Variants in SLC6A11 observed in about 807,000 individuals in gnomAD.
SLC6A11 encodes sodium- and chloride-dependent GABA transporter 3.
In SLC6A11, 25 loss-of-function variants were observed where a neutral mutation model predicts 74.8. The ratio of observed to expected loss-of-function variants is 0.33; its 90% CI spans 0.24 to 0.47. The LOEUF (loss-of-function observed/expected upper bound fraction) is 0.47. SLC6A11 is among the 20% of genes least tolerant of loss of function. SLC6A11 has a pLI of 1.00. For synonymous variants in SLC6A11, 330 were observed against 330.2 expected, an observed-to-expected ratio of 1.00 and a Z score of 0.01; for missense variants, 574 against 837.0, an observed-to-expected ratio of 0.69 and a Z score of 3.88.
chr3:10,873,423 T>TGGCATGCCATCCTAC (rs1694855041), intron 5 of SLC6A11, among the ~76,000 whole-genome samples: 1 of 150,788 alleles, frequency 6.6e-6, no homozygotes, highest in African/African-American at 2.5e-5. Flanking sequence ...TCCTATCCTA[T>TGGCATGCCATCCTAC]CCTATCCTAT....
At chr3:10,900,687 A>C (rs557006428) in intron 6 of SLC6A11, among the ~76,000 whole-genome samples, 81 of 152,268 alleles carry the variant, frequency 5.3e-4, no homozygotes, top group Non-Finnish European at 8.5e-4. Flanking sequence ...TTAGCAAAGA[A>C]ATGTGGTTCT....
chr3:10,938,592 T>C lies in SLC6A11; in HGVS notation c.*190T>C, dbSNP rs1448206984. On this transcript the variant is annotated 3_prime_UTR_variant, in exon 14 of 14. Transcript: ENST00000254488. ...ATCCCCTCCCCGCCCCCAGTCATCATGGAAGTAACCACTACAAAGAGATAA... is the reference window on the plus strand; with the variant it reads ...ATCCCCTCCCCGCCCCCAGTCATCACGGAAGTAACCACTACAAAGAGATAA... 5.9e-6 allele frequency: 3 copies of C among 505,738 alleles called. No homozygotes were observed. The highest frequency in any genetic ancestry group is 1.0e-5 in the Non-Finnish European group (3 of 288,148). The allele number at this position is 505,738 out of a possible 1,614,324, so 31.3% of individuals were successfully genotyped here.
chr3:10,835,599 C>T (rs1012037560), intron 4 of SLC6A11, among the ~76,000 whole-genome samples: 2 of 152,214 alleles, frequency 1.3e-5, no homozygotes, highest in Non-Finnish European at 2.9e-5. Context: ...CTCAGTCTCA[C>T]CCTCCAGCCA....
At chr3:10,878,667 C>G (rs968953563) in intron 6 of SLC6A11, among the ~76,000 whole-genome samples, 1 of 151,874 alleles carries the variant, frequency 6.6e-6, no homozygotes, top group African/African-American at 2.4e-5. Context: ...CCCACCTTGG[C>G]CTCCCAAAGT....
intron 6 of SLC6A11, among the ~76,000 whole-genome samples, chr3:10,878,289 G>C (rs1396318483): frequency 1.3e-5 from 2 of 151,178 alleles, no homozygotes; most frequent in Admixed American, 6.6e-5. Context: ...GCATCCAGTA[G>C]ACATGGCCTT....
At chr3:10,848,174 C>T (rs891786166) in intron 5 of SLC6A11, among the ~76,000 whole-genome samples, 2 of 152,234 alleles carry the variant, frequency 1.3e-5, no homozygotes, top group Non-Finnish European at 2.9e-5. Flanking sequence ...GTGAGCATTT[C>T]ACCTGTTCAG....
At chr3:10,913,673 A>T (rs892966671) in intron 7 of SLC6A11, among the ~76,000 whole-genome samples, 1 of 152,182 alleles carries the variant, frequency 6.6e-6, no homozygotes, top group Non-Finnish European at 1.5e-5. Flanking sequence ...AAACACCAGT[A>T]AAAAAACAAG....
intron 6 of SLC6A11, among the ~76,000 whole-genome samples, chr3:10,892,062 G>A (rs1256563251): frequency 6.6e-6 from 1 of 152,224 alleles, no homozygotes; most frequent in African/African-American, 2.4e-5. Flanking sequence ...AGTGTGTTCT[G>A]ATGATTTCTG....
intron 7 of SLC6A11, among the ~76,000 whole-genome samples, chr3:10,917,250 C>A (rs912097194): frequency 6.6e-6 from 1 of 152,136 alleles, no homozygotes; most frequent in Non-Finnish European, 1.5e-5. Context: ...AGAGAACAAG[C>A]ATGGGTGAAT....
rs1282996969 is a variant in SLC6A11, at chr3:10,935,240, T to C, written c.1746+41T>C. On this transcript the variant is annotated intron_variant, in intron 13 of 13. Coordinates refer to ENST00000254488, the MANE Select transcript of SLC6A11 (RefSeq NM_014229.3). ...GAGGGCTGGTGCGTTTGGGCAGGGT[T>C]CGCGCCTTGGGTCCCAGTTTCCTCA... The C allele has an allele frequency of 3.1e-6, 5 of 1,594,040 alleles. No homozygotes were observed. In the African/African-American group the frequency reaches 6.7e-5, roughly 21 times the overall value.
chr3:10,821,528 C>G (rs1456475623), intron 3 of SLC6A11, among the ~76,000 whole-genome samples: 1 of 152,186 alleles, frequency 6.6e-6, no homozygotes, highest in Non-Finnish European at 1.5e-5. Flanking sequence ...AATAAACCAC[C>G]TGAACTCAAC....
rs1210656360 is a variant in SLC6A11, at chr3:10,938,135, G to T, written c.1747-115G>T. 2.2e-5 allele frequency: 22 copies of T among 1,017,586 alleles called. No individual in the cohort carries two copies. In the East Asian group the frequency reaches 5.2e-4, roughly 24 times the overall value. The allele number at this position is 1,017,586 out of a possible 1,614,324, so 63.0% of individuals were successfully genotyped here. On this transcript the variant is annotated intron_variant, in intron 13 of 13. Coordinates refer to ENST00000254488, the MANE Select transcript of SLC6A11 (RefSeq NM_014229.3). Reference sequence around the variant, plus strand: ...GGGGCCAAGCTGGGGCCCGGACCTTGGTCTGAGAATTCTCCAGCACCCAGA... The same window carrying T: ...GGGGCCAAGCTGGGGCCCGGACCTTTGTCTGAGAATTCTCCAGCACCCAGA...
In SLC6A11 at chr3:10,844,476, A is replaced by G. The variant is rs1450818059; in HGVS notation, c.756+130A>G. On this transcript the variant is annotated intron_variant, in intron 5 of 13. Coordinates refer to ENST00000254488, the MANE Select transcript of SLC6A11 (RefSeq NM_014229.3). Reference sequence around the variant, plus strand: ...AGTTGGGAGCGGGGAGGAACACTGGACCAGAGTGAGCTCTACCCACCCTCA... The same window carrying G: ...AGTTGGGAGCGGGGAGGAACACTGGGCCAGAGTGAGCTCTACCCACCCTCA... 3 of 1,106,396 alleles carry G rather than the reference A, an allele frequency of 2.7e-6. No homozygotes were observed. The Admixed American group carries it at 6.0e-5, about 22-fold the overall frequency. The allele number at this position is 1,106,396 out of a possible 1,614,324, so 68.5% of individuals were successfully genotyped here.
At chr3:10,827,342 C>T (rs1274914607) in intron 4 of SLC6A11, among the ~76,000 whole-genome samples, 1 of 152,332 alleles carries the variant, frequency 6.6e-6, no homozygotes, top group Non-Finnish European at 1.5e-5. Context: ...CCACTAAATG[C>T]AGTCTGGGAA....
At chr3:10,929,118 C>T (rs951938503) in intron 9 of SLC6A11, 84 bp from the exon 10 acceptor site, 4 of 1,463,188 alleles carry the variant, frequency 2.7e-6, no homozygotes, top group South Asian at 2.5e-5. Context: ...GCCCAGGGTT[C>T]AGGCCTGCTG....
At chr3:10,822,166 C>T (rs1694146923) in intron 3 of SLC6A11, among the ~76,000 whole-genome samples, 1 of 152,192 alleles carries the variant, frequency 6.6e-6, no homozygotes, top group African/African-American at 2.4e-5. Flanking sequence ...GCAGAGATTA[C>T]AGATGTGGTT....
intron 4 of SLC6A11, among the ~76,000 whole-genome samples, chr3:10,828,759 C>G (rs1694250664): frequency 6.6e-6 from 1 of 152,190 alleles, no homozygotes; most frequent in South Asian, 2.1e-4. Flanking sequence ...AATCCACACC[C>G]CAGTCCCTCT....
At chr3:10,828,772 ACCCCATCACTCTTTCTTAATG>A (rs1334878453) in intron 4 of SLC6A11, among the ~76,000 whole-genome samples, 2 of 151,936 alleles carry the variant, frequency 1.3e-5, no homozygotes, top group Non-Finnish European at 1.5e-5. Context: ...GTCCCTCTCA[ACCCCATCACTCTTTCTTAATG>A]CCCCATCACT....
chr3:10,935,862 A>G (rs1292784051), intron 13 of SLC6A11, among the ~76,000 whole-genome samples: 1 of 152,182 alleles, frequency 6.6e-6, no homozygotes, highest in Non-Finnish European at 1.5e-5. Context: ...GCTTTAGGAT[A>G]CTTTCATTGT....
Sources: gnomAD v4.1 joint callset for allele counts (sites outside exome capture counted in the v4.1 genomes callset) on GRCh38, gnomAD v4.1.1 for gene constraint, MANE v1.5 for transcripts, NCBI Gene and HGNC (gene_info 2026-07-23, HGNC 2026-07-21) for gene names.